DHRSX: variants seen among roughly 807,000 people sequenced by gnomAD.
The protein encoded by DHRSX is dehydrogenase/reductase X-linked.
A neutral mutation model predicts 34.0 loss-of-function variants in DHRSX; 31 were observed. That is an observed-to-expected ratio of 0.91 (90% confidence interval 0.69 to 1.23). DHRSX has a LOEUF of 1.23. Among genes scored for constraint, DHRSX ranks in the 50% most tolerant of loss-of-function variants. DHRSX has a pLI of 0.00. For missense variants in DHRSX, 414 were observed against 428.1 expected, an observed-to-expected ratio of 0.97 and a Z score of 0.29; for synonymous variants, 201 against 183.8, an observed-to-expected ratio of 1.09 and a Z score of -0.76.
chrX:2,253,772 T>C (rs1015423071), intron 5 of DHRSX, among the ~76,000 whole-genome samples: 8 of 152,114 alleles, frequency 5.3e-5, no homozygotes, highest in African/African-American at 1.9e-4. Flanking sequence ...CTTTTGAGTG[T>C]TTATAAGACC....
chrX:2,479,098 G>A (rs936154856), intron 1 of DHRSX, among the ~76,000 whole-genome samples: 2 of 151,962 alleles, frequency 1.3e-5, no homozygotes, highest in South Asian at 2.1e-4. Context: ...GTGGCTAAGG[G>A]ACCACAGCCA....
intron 6 of DHRSX, among the ~76,000 whole-genome samples, chrX:2,236,524 C>T (rs1479225229): frequency 1.3e-5 from 2 of 152,060 alleles, no homozygotes; most frequent in South Asian, 2.1e-4. Context: ...CTCCTGCTCC[C>T]GGGTTCAAGC....
At chrX:2,485,758 GGGAGA>G (rs1379352392) in intron 1 of DHRSX, among the ~76,000 whole-genome samples, 1 of 56,022 alleles carries the variant, frequency 1.8e-5, no homozygotes, top group African/African-American at 8.2e-5. Flanking sequence ...AGGGAAGGAA[GGGAGA>G]GAAGGAAGGA....
Position 2,452,017 on chromosome X carries a change from A to G in DHRSX, c.110-26713T>C, listed in dbSNP as rs780699395. Among the ~76,000 whole-genome samples the G allele has an allele frequency of 1.1e-4, 16 of 151,890 alleles. No homozygotes were observed. The East Asian group carries it at 2.5e-3, about 24-fold the overall frequency. On this transcript the variant is annotated intron_variant, in intron 1 of 6. Transcript: ENST00000334651. ...TACACACTGAAGACGTTCCCTAAGTATGTGGTTAAGGGACTGCCGCCATAT... is the reference window on the plus strand; with the variant it reads ...TACACACTGAAGACGTTCCCTAAGTGTGTGGTTAAGGGACTGCCGCCATAT...
chrX:2,240,812 A>T (rs1286092194), intron 6 of DHRSX, among the ~76,000 whole-genome samples: 1 of 152,182 alleles, frequency 6.6e-6, no homozygotes, highest in African/African-American at 2.4e-5. Context: ...CAAATTATTA[A>T]AACTTTAGTA....
chrX:2,298,326 T>TTC (rs1009925192), intron 3 of DHRSX, among the ~76,000 whole-genome samples: 2 of 150,566 alleles, frequency 1.3e-5, no homozygotes, highest in African/African-American at 4.9e-5. Flanking sequence ...TGTTTTTTTT[T>TTC]TTTTTGTTAG....
intron 1 of DHRSX, among the ~76,000 whole-genome samples, chrX:2,499,177 A>T (rs2045351723): frequency 6.6e-6 from 1 of 151,948 alleles, no homozygotes; most frequent in Non-Finnish European, 1.5e-5. Context: ...ACAATAAGGC[A>T]CCCAAGCGCT....
intron 3 of DHRSX, among the ~76,000 whole-genome samples, chrX:2,367,866 A>G (rs1442200601): frequency 6.6e-6 from 1 of 152,162 alleles, no homozygotes; most frequent in Non-Finnish European, 1.5e-5. Flanking sequence ...CATTTTTAGA[A>G]GGCACATTGA....
chrX:2,258,768 A>G (rs1176340749), intron 5 of DHRSX, among the ~76,000 whole-genome samples: 2 of 152,246 alleles, frequency 1.3e-5, no homozygotes. Context: ...GGAAAGAGTC[A>G]GTGCCGTCAA....
At chrX:2,233,243 GA>G (rs2015938971) in intron 6 of DHRSX, among the ~76,000 whole-genome samples, 1 of 152,148 alleles carries the variant, frequency 6.6e-6, no homozygotes, top group Non-Finnish European at 1.5e-5. Context: ...CACATTCTCG[GA>G]ATGATGAAGT....
chrX:2,388,149 A>C (rs1202578472), intron 3 of DHRSX, among the ~76,000 whole-genome samples: 1 of 152,096 alleles, frequency 6.6e-6, no homozygotes, highest in Non-Finnish European at 1.5e-5. Context: ...CAAAGGAGCC[A>C]TTGGGAGGCA....
At chrX:2,398,637 G>A (rs1372721808) in intron 3 of DHRSX, among the ~76,000 whole-genome samples, 2 of 150,384 alleles carry the variant, frequency 1.3e-5, no homozygotes, top group Admixed American at 1.3e-4. Context: ...ATCGAGCCAC[G>A]AAAAGACGCA....
intron 2 of DHRSX, among the ~76,000 whole-genome samples, chrX:2,420,329 A>C (rs1208992978): frequency 2.0e-5 from 3 of 151,840 alleles, no homozygotes; most frequent in Non-Finnish European, 4.4e-5. Flanking sequence ...AATCGCTTCA[A>C]CCCGGGAGGC....
chrX:2,246,740 GAA>G (rs1303049663), intron 5 of DHRSX, among the ~76,000 whole-genome samples: 9 of 110,338 alleles, frequency 8.2e-5, no homozygotes, highest in Middle Eastern at 5.3e-3. Flanking sequence ...AAGAAAGAAA[GAA>G]AGAAAGAAAA....
intron 3 of DHRSX, among the ~76,000 whole-genome samples, chrX:2,310,922 G>A (rs1383641255): frequency 1.3e-5 from 2 of 151,912 alleles, no homozygotes; most frequent in Non-Finnish European, 2.9e-5. Context: ...CTAGCTGAGC[G>A]TGGTGGCGGG....
intron 3 of DHRSX, among the ~76,000 whole-genome samples, chrX:2,405,782 G>C (rs1477857025): frequency 1.3e-5 from 2 of 151,982 alleles, no homozygotes; most frequent in Non-Finnish European, 2.9e-5. Flanking sequence ...GGGCAACAGA[G>C]TGAGACCCTG....
intron 1 of DHRSX, among the ~76,000 whole-genome samples, chrX:2,459,602 TACACAC>T (rs1207047065): frequency 6.7e-6 from 1 of 148,948 alleles, no homozygotes; most frequent in Non-Finnish European, 1.5e-5. Context: ...AATATATATA[TACACAC>T]ACACACAATT....
intron 4 of DHRSX, among the ~76,000 whole-genome samples, chrX:2,271,614 A>C (rs2041556052): frequency 6.6e-6 from 1 of 152,180 alleles, no homozygotes. Flanking sequence ...GGAGGGATCC[A>C]ATATCAATCA....
chrX:2,284,981 G>A (rs1045641565), intron 4 of DHRSX, among the ~76,000 whole-genome samples: 6 of 152,212 alleles, frequency 3.9e-5, no homozygotes, highest in African/African-American at 1.2e-4. Flanking sequence ...AGCTGGGGCT[G>A]TTTTCCATGA....
Sources: gnomAD v4.1 joint callset for allele counts (sites outside exome capture counted in the v4.1 genomes callset) on GRCh38, gnomAD v4.1.1 for gene constraint, MANE v1.5 for transcripts, NCBI Gene and HGNC (gene_info 2026-07-23, HGNC 2026-07-21) for gene names.